Variants in PDE12 observed in about 807,000 individuals in gnomAD.
PDE12 encodes 2',5'-phosphodiesterase 12.
PDE12 carries 26 observed loss-of-function variants against 45.4 expected under a neutral mutation model. The observed-to-expected ratio is 0.57, with a 90% CI of 0.42 to 0.79. The LOEUF is 0.79. PDE12 is among the 30% of genes least tolerant of loss of function. The pLI is 0.00. For synonymous variants in PDE12, 283 were observed against 323.9 expected (o/e 0.87, Z 1.36); for missense variants, 668 against 790.0 (o/e 0.85, Z 1.85).
At chr3:57,645,184 C>T in the PDE12 span, among the ~76,000 whole-genome samples, 1 of 152,038 alleles carries the variant, frequency 6.6e-6, no homozygotes, top group Admixed American at 6.6e-5. Flanking sequence ...TCACGTGGGC[C>T]GGGTGTGGTG....
At chr3:57,584,032 G>A in the PDE12 span, 41 of 1,429,156 alleles carry the variant, frequency 2.9e-5, no homozygotes, top group Admixed American at 1.0e-4. Flanking sequence ...AAAAATGACC[G>A]CTGTGCAGCG....
chr3:57,594,744 C>T, the PDE12 span, among the ~76,000 whole-genome samples: 4 of 152,124 alleles, frequency 2.6e-5, no homozygotes, highest in African/African-American at 9.7e-5. Context: ...TAAAGAAAAA[C>T]GAAGCACACT....
the PDE12 span, among the ~76,000 whole-genome samples, chr3:57,606,288 G>A: frequency 1.1e-4 from 16 of 152,132 alleles, no homozygotes; most frequent in Admixed American, 2.0e-4. Context: ...GGGTGACATC[G>A]TATTTCTCAC....
chr3:57,596,989 AG>A, the PDE12 span: 1 of 1,285,208 alleles, frequency 7.8e-7, no homozygotes, highest in Non-Finnish European at 1.1e-6. Flanking sequence ...CAGCGGGCGG[AG>A]GAAAAAAACA....
In PDE12 at chr3:57,557,383, T is replaced by A. The variant is rs374688034; in HGVS notation, c.1004T>A (p.Ile335Asn). Residue 335 changes from isoleucine to asparagine, a missense_variant, in exon 1 of 3, where the codon ATC becomes AAC. This residue lies in a region of PDE12 where 580 missense variants were observed against 662.9 expected (regional missense o/e 0.87). Coordinates refer to ENST00000311180, the MANE Select transcript of PDE12 (RefSeq NM_177966.7). ...ALELDYRQNL[I>N]QKELTGYNAD... ...GAGCTCGACTACCGCCAGAACCTTATCCAGAAGGAACTCACCGGCTACAAC... is the reference window on the plus strand; with the variant it reads ...GAGCTCGACTACCGCCAGAACCTTAACCAGAAGGAACTCACCGGCTACAAC... 1 of 1,613,986 alleles carries A rather than the reference T, an allele frequency of 6.2e-7. No homozygotes were observed. The highest frequency in any genetic ancestry group is 1.1e-5 in the South Asian group (1 of 91,084).
At chr3:57,652,915 C>A in the PDE12 span, among the ~76,000 whole-genome samples, 1 of 152,190 alleles carries the variant, frequency 6.6e-6, no homozygotes, top group South Asian at 2.1e-4. Flanking sequence ...GATGTGACAG[C>A]TACATGCAAC....
At chr3:57,588,961 G>C in the PDE12 span, among the ~76,000 whole-genome samples, 1 of 152,132 alleles carries the variant, frequency 6.6e-6, no homozygotes, top group Non-Finnish European at 1.5e-5. Flanking sequence ...AATTAGCTGG[G>C]TGTAGTGGCA....
chr3:57,567,189 G>T (rs115256026), downstream of PDE12, among the ~76,000 whole-genome samples: 1,416 of 152,184 alleles, frequency 9.3e-3, 26 homozygotes, highest in African/African-American at 0.032. Flanking sequence ...GTACACGCCT[G>T]TAGTCCCAGC....
the PDE12 span, among the ~76,000 whole-genome samples, chr3:57,587,460 TTA>T: frequency 2.0e-5 from 3 of 152,060 alleles, no homozygotes; most frequent in Non-Finnish European, 4.4e-5. Context: ...TTAATAGGTT[TTA>T]TATGTGCTTG....
chr3:57,601,044 GTA>G, the PDE12 span: 1 of 152,184 alleles, frequency 6.6e-6, no homozygotes, highest in Non-Finnish European at 1.5e-5. Flanking sequence ...ACACAGTGTT[GTA>G]TAAAGTTGCC....
At chr3:57,649,598 G>C in the PDE12 span, among the ~76,000 whole-genome samples, 1 of 149,460 alleles carries the variant, frequency 6.7e-6, no homozygotes, top group Non-Finnish European at 1.5e-5. Context: ...CAAAAATATG[G>C]AACAAGCCCA....
the PDE12 span, among the ~76,000 whole-genome samples, chr3:57,635,436 G>A: frequency 6.6e-6 from 1 of 152,108 alleles, no homozygotes; most frequent in Admixed American, 6.6e-5. Flanking sequence ...ATAACAGACA[G>A]AAAAATACCT....
the PDE12 span, among the ~76,000 whole-genome samples, chr3:57,596,414 G>A: frequency 6.6e-6 from 1 of 152,144 alleles, no homozygotes; most frequent in Non-Finnish European, 1.5e-5. Flanking sequence ...AATAGTCAAA[G>A]AAATAGAAGA....
At chr3:57,572,753 TG>T in the PDE12 span, among the ~76,000 whole-genome samples, 1 of 152,218 alleles carries the variant, frequency 6.6e-6, no homozygotes, top group Non-Finnish European at 1.5e-5. Flanking sequence ...TTTTCAGTGC[TG>T]GTTTTTGGTT....
chr3:57,652,180 G>T, the PDE12 span, among the ~76,000 whole-genome samples: 1 of 152,170 alleles, frequency 6.6e-6, no homozygotes, highest in South Asian at 2.1e-4. Flanking sequence ...AACAGAATAC[G>T]GTAGAAATGA....
chr3:57,598,708 GA>G, the PDE12 span, among the ~76,000 whole-genome samples: 1 of 152,160 alleles, frequency 6.6e-6, no homozygotes, highest in Admixed American at 6.5e-5. Context: ...GTGAACCCGG[GA>G]GGCGGAGGTT....
the PDE12 span, among the ~76,000 whole-genome samples, chr3:57,656,375 G>T: frequency 1.2e-3 from 190 of 152,078 alleles, no homozygotes; most frequent in Non-Finnish European, 2.0e-3. Flanking sequence ...TTTAACTGCT[G>T]AATAGTATTC....
At chr3:57,601,131 A>AT in the PDE12 span, among the ~76,000 whole-genome samples, 25,740 of 150,176 alleles carry the variant, frequency 0.17, 2,676 homozygotes, top group East Asian at 0.48. Context: ...ATTTTATTTT[A>AT]TTTTTTTTTG....
At chr3:57,650,421 TACACACAC>T in the PDE12 span, among the ~76,000 whole-genome samples, 5 of 149,974 alleles carry the variant, frequency 3.3e-5, no homozygotes, top group Admixed American at 6.7e-5. Context: ...TGCATTTACA[TACACACAC>T]ACACACACAC....
Sources: gnomAD v4.1 joint callset for allele counts (sites outside exome capture counted in the v4.1 genomes callset) on GRCh38, gnomAD v4.1.1 for gene constraint, gnomAD v4.1.1 regional missense constraint, MANE v1.5 for transcripts, NCBI Gene and HGNC (gene_info 2026-07-23, HGNC 2026-07-21) for gene names.